PAK2: variants seen among roughly 807,000 people sequenced by gnomAD.
The protein encoded by PAK2 is p21 (RAC1) activated kinase 2, also known as serine/threonine-protein kinase PAK 2.
In PAK2, 21 loss-of-function variants were observed where a neutral mutation model predicts 65.9. The ratio of observed to expected loss-of-function variants is 0.32; its 90% CI spans 0.23 to 0.46. PAK2 has a LOEUF of 0.46. PAK2 is among the 20% of genes least tolerant of loss of function. The pLI is 1.00. For missense variants in PAK2, 324 were observed against 642.6 expected (o/e 0.50, Z 5.36); for synonymous variants, 204 against 219.7 (o/e 0.93, Z 0.63).
At chr3:196,780,520 A>G (rs937185345) in intron 1 of PAK2, among the ~76,000 whole-genome samples, 1 of 152,204 alleles carries the variant, frequency 6.6e-6, no homozygotes, top group African/African-American at 2.4e-5. Flanking sequence ...CAGCACAGGA[A>G]AGACTTGCCC....
chr3:196,743,075 T>C (rs1713259934), intron 1 of PAK2, among the ~76,000 whole-genome samples: 1 of 152,196 alleles, frequency 6.6e-6, no homozygotes, highest in Non-Finnish European at 1.5e-5. Flanking sequence ...GTATCCTTTT[T>C]GTGCCTTAAC....
At chr3:196,766,227 C>G (rs958810262) in intron 1 of PAK2, among the ~76,000 whole-genome samples, 1 of 152,144 alleles carries the variant, frequency 6.6e-6, no homozygotes, top group African/African-American at 2.4e-5. Context: ...ATATTTTCTT[C>G]TCAAAACTTA....
intron 10 of PAK2, among the ~76,000 whole-genome samples, chr3:196,813,487 G>A (rs1715893682): frequency 6.6e-6 from 1 of 151,330 alleles, no homozygotes; most frequent in Non-Finnish European, 1.5e-5. Context: ...AGAAAATGAT[G>A]TATATTACTA....
chr3:196,751,694 T>TATATATATATATATATA (rs1211217848), intron 1 of PAK2, among the ~76,000 whole-genome samples: 6 of 45,820 alleles, frequency 1.3e-4, no homozygotes, highest in African/African-American at 3.5e-4. Context: ...TATATATATA[T>TATATATATATATATATA]AATTCAGGCT....
chr3:196,794,671 T>C (rs1715190442), intron 2 of PAK2, among the ~76,000 whole-genome samples: 1 of 152,200 alleles, frequency 6.6e-6, no homozygotes, highest in Non-Finnish European at 1.5e-5. Flanking sequence ...GCGGGATTAC[T>C]GTTCCCAGCC....
At chr3:196,811,342 C>T (rs765216661) in intron 8 of PAK2, among the ~76,000 whole-genome samples, 154 of 67,014 alleles carry the variant, frequency 2.3e-3, no homozygotes, top group South Asian at 5.5e-3. Flanking sequence ...CCTCCCTTCC[C>T]TCCCTTCCTT....
chr3:196,776,971 A>AT (rs1560100375), intron 1 of PAK2, among the ~76,000 whole-genome samples: 1 of 152,132 alleles, frequency 6.6e-6, no homozygotes, highest in Non-Finnish European at 1.5e-5. Flanking sequence ...TTTTTCGTAA[A>AT]TTTCAGCTAA....
At chr3:196,766,931 C>CGTGTGTGTGTGTGTGTGTGTGT (rs60929724) in intron 1 of PAK2, among the ~76,000 whole-genome samples, 7 of 134,342 alleles carry the variant, frequency 5.2e-5, no homozygotes, top group Non-Finnish European at 9.5e-5. Context: ...AAGTACACCC[C>CGTGTGTGTGTGTGTGTGTGTGT]GTGTGTGTGT....
intron 1 of PAK2, among the ~76,000 whole-genome samples, chr3:196,746,635 A>G (rs572834415): frequency 2.0e-5 from 3 of 152,134 alleles, no homozygotes; most frequent in African/African-American, 7.2e-5. Flanking sequence ...AACATGGAGA[A>G]ACCTGTGTCT....
intron 2 of PAK2, among the ~76,000 whole-genome samples, chr3:196,783,811 A>G (rs956457399): frequency 6.6e-6 from 1 of 152,092 alleles, no homozygotes; most frequent in Non-Finnish European, 1.5e-5. Flanking sequence ...GGAACCTTTT[A>G]TGAATGGAAT....
At chr3:196,774,208 A>G (rs1384658809) in intron 1 of PAK2, among the ~76,000 whole-genome samples, 1 of 152,252 alleles carries the variant, frequency 6.6e-6, no homozygotes, top group Admixed American at 6.5e-5. Flanking sequence ...ATGGCCCAGT[A>G]TATTAGCATA....
At chr3:196,778,643 T>C (rs1318278925) in intron 1 of PAK2, among the ~76,000 whole-genome samples, 1 of 152,220 alleles carries the variant, frequency 6.6e-6, no homozygotes, top group Non-Finnish European at 1.5e-5. Flanking sequence ...TTAACCAAAT[T>C]CTAGGATTTA....
At chr3:196,748,389 C>T (rs1713461524) in intron 1 of PAK2, among the ~76,000 whole-genome samples, 1 of 152,150 alleles carries the variant, frequency 6.6e-6, no homozygotes, top group Non-Finnish European at 1.5e-5. Context: ...TGGTATTGTA[C>T]ATTCAGTGGG....
rs1161523732 is a variant in PAK2, at chr3:196,820,203, T to C, written c.1154-168T>C. 6.6e-6 allele frequency among the ~76,000 whole-genome samples: 1 copy of C among 152,202 alleles called. No individual in the cohort carries two copies. Among genetic ancestry groups the C allele is most frequent in the African/African-American group, 2.4e-5 (1 of 41,466 alleles). ...AGTAAAAGTAAAATGTGAGAGTGTG[T>C]TACATCATGAAAATATTTTTAAACT... On this transcript the variant is annotated intron_variant, in intron 12 of 14. Coordinates refer to ENST00000327134, the MANE Select transcript of PAK2 (RefSeq NM_002577.4). The surrounding 1 kb of genome is among the most constrained non-coding windows in gnomAD (Gnocchi z 4.6).
intron 1 of PAK2, among the ~76,000 whole-genome samples, chr3:196,759,511 T>G (rs74469009): frequency 0.25 from 12,251 of 48,824 alleles, 915 homozygotes; most frequent in East Asian, 0.48. Context: ...TTTTTTTTTT[T>G]TTTTTTTTTT....
chr3:196,808,378 T>C (rs1266319029), intron 7 of PAK2, among the ~76,000 whole-genome samples: 2 of 151,334 alleles, frequency 1.3e-5, no homozygotes, highest in African/African-American at 4.9e-5. Context: ...CTGGCCAGTA[T>C]GGTGAAACCC....
intron 1 of PAK2, among the ~76,000 whole-genome samples, chr3:196,754,721 C>A (rs1329588205): frequency 6.6e-6 from 1 of 152,154 alleles, no homozygotes; most frequent in Admixed American, 6.5e-5. Flanking sequence ...CTTACACAGC[C>A]CCGCTGGAAC....
intron 2 of PAK2, among the ~76,000 whole-genome samples, chr3:196,788,185 C>CTTCA (rs1714958504): frequency 6.6e-6 from 1 of 152,208 alleles, no homozygotes. Flanking sequence ...AGGGAGAGAA[C>CTTCA]TTCAGTATGT....
In PAK2 at chr3:196,768,316, A is replaced by G. The variant is rs138603166; in HGVS notation, c.-21-14310A>G. 7.4e-3 allele frequency among the ~76,000 whole-genome samples: 1,123 copies of G among 151,928 alleles called. 25 individuals are homozygous for G. Among genetic ancestry groups the G allele is most frequent in the African/African-American group, 0.026 (1,069 of 41,306 alleles). ...AGATATTTTACTAGTTTTGCCCAAG[A>G]CACTATTTTTGGCTTTATTGATAGT... On this transcript the variant is annotated intron_variant, in intron 1 of 14. Transcript: ENST00000327134.
Sources: gnomAD v4.1 joint callset for allele counts (sites outside exome capture counted in the v4.1 genomes callset) on GRCh38, gnomAD v4.1.1 for gene constraint, Gnocchi (gnomAD v3.1) non-coding constraint, MANE v1.5 for transcripts, NCBI Gene and HGNC (gene_info 2026-07-23, HGNC 2026-07-21) for gene names.